Variants in SLC25A26 observed in about 807,000 individuals in gnomAD.
SLC25A26 encodes the protein mitochondrial S-adenosylmethionine carrier protein.
In SLC25A26, 36 loss-of-function variants were observed where a neutral mutation model predicts 37.8. The ratio of observed to expected loss-of-function variants is 0.95; its 90% CI spans 0.73 to 1.26. The LOEUF (loss-of-function observed/expected upper bound fraction) is 1.26. Among genes scored for constraint, SLC25A26 ranks in the 50% most tolerant of loss-of-function variants. SLC25A26 has a pLI of 0.00. For missense variants in SLC25A26, 390 were observed against 331.1 expected, an observed-to-expected ratio of 1.18 and a Z score of -1.38; for synonymous variants, 129 against 122.5, an observed-to-expected ratio of 1.05 and a Z score of -0.35.
At chr3:66,205,834 G>T (rs2071169431) in intron 1 of SLC25A26, among the ~76,000 whole-genome samples, 1 of 152,114 alleles carries the variant, frequency 6.6e-6, no homozygotes. Context: ...TCTTAATTTG[G>T]ATCTCCTCTA....
chr3:66,226,045 G>A (rs1244923015), intron 1 of SLC25A26, among the ~76,000 whole-genome samples: 5 of 152,094 alleles, frequency 3.3e-5, no homozygotes, highest in South Asian at 2.1e-4. Context: ...TTCTGAAGTC[G>A]CTTCCACATT....
In SLC25A26 at chr3:66,353,412, C is replaced by T. The variant is rs144242787; in HGVS notation, c.498+7004C>T. 4.3e-3 allele frequency among the ~76,000 whole-genome samples: 648 copies of T among 152,318 alleles called. 17 individuals are homozygous for T. The highest frequency in any genetic ancestry group is 0.037 in the Admixed American group (570 of 15,300). ...GAAAATGGAAGGAGAGTTTGAACGC[C>T]TTGCCCAAGGCCATGGGAGTACTAA... On this transcript the variant is annotated intron_variant, in intron 6 of 9. Coordinates refer to ENST00000354883, the MANE Select transcript of SLC25A26 (RefSeq NM_001379210.1).
intron 1 of SLC25A26, among the ~76,000 whole-genome samples, chr3:66,159,077 T>C (rs1308422067): frequency 6.6e-6 from 1 of 152,156 alleles, no homozygotes; most frequent in African/African-American, 2.4e-5. Context: ...TACTAGGCAG[T>C]GGCTTCCAAG....
intron 1 of SLC25A26, among the ~76,000 whole-genome samples, chr3:66,178,752 T>G (rs1012766001): frequency 6.6e-6 from 1 of 152,228 alleles, no homozygotes; most frequent in African/African-American, 2.4e-5. Context: ...GGAAATTGTT[T>G]TAAAAATTAA....
At chr3:66,221,232 T>C in intron 1 of SLC25A26, 105 bp downstream of exon 1, 1 of 1,238,954 alleles carries the variant, frequency 8.1e-7, no homozygotes, top group Non-Finnish European at 1.1e-6. Context: ...CGGGCTGGAC[T>C]GTCCTCGGGT....
At chr3:66,150,600 T>TGA (rs1559551875) in intron 1 of SLC25A26, among the ~76,000 whole-genome samples, 2 of 39,710 alleles carry the variant, frequency 5.0e-5, no homozygotes, top group East Asian at 1.4e-3. Flanking sequence ...ATATATGTAA[T>TGA]GAGATATATA....
At chr3:66,165,144 G>A (rs1160576616) in intron 1 of SLC25A26, among the ~76,000 whole-genome samples, 1 of 152,164 alleles carries the variant, frequency 6.6e-6, no homozygotes, top group Non-Finnish European at 1.5e-5. Flanking sequence ...CACTTAAGTG[G>A]CCTCTCCACA....
intron 5 of SLC25A26, among the ~76,000 whole-genome samples, chr3:66,327,735 C>T (rs566387136): frequency 5.9e-5 from 9 of 152,082 alleles, no homozygotes; most frequent in African/African-American, 1.9e-4. Flanking sequence ...AAAAGCTACA[C>T]GTATTTAATG....
At chr3:66,203,388 AGG>A (rs1205074524) in intron 1 of SLC25A26, among the ~76,000 whole-genome samples, 4 of 152,056 alleles carry the variant, frequency 2.6e-5, no homozygotes, top group African/African-American at 9.7e-5. Flanking sequence ...TCTCAAAAAA[AGG>A]AAAAAAAAAA....
chr3:66,269,954 A>T (rs2073896733), intron 5 of SLC25A26, among the ~76,000 whole-genome samples: 1 of 152,160 alleles, frequency 6.6e-6, no homozygotes, highest in African/African-American at 2.4e-5. Context: ...CTAGCATAAT[A>T]TCTTCTACAC....
chr3:66,269,698 C>A (rs2073888071), intron 5 of SLC25A26, among the ~76,000 whole-genome samples: 1 of 152,054 alleles, frequency 6.6e-6, no homozygotes, highest in African/African-American at 2.4e-5. Flanking sequence ...ATACTATTTC[C>A]TGCTTATCAT....
chr3:66,306,600 A>G (rs1298599388), intron 5 of SLC25A26, among the ~76,000 whole-genome samples: 1 of 152,068 alleles, frequency 6.6e-6, no homozygotes, highest in Non-Finnish European at 1.5e-5. Context: ...TCAACCTGTC[A>G]TCTAGATTTT....
intron 5 of SLC25A26, chr3:66,304,510 T>C: frequency 2.2e-6 from 1 of 456,204 alleles, no homozygotes; most frequent in South Asian, 1.5e-5. Context: ...AGTTGTTGTG[T>C]GTGGCTTGTA....
chr3:66,346,072 G>T (rs572088853), intron 5 of SLC25A26, among the ~76,000 whole-genome samples: 13 of 152,136 alleles, frequency 8.5e-5, no homozygotes, highest in Admixed American at 4.6e-4. Context: ...GCGTGTGCCT[G>T]TAGTCCCAGC....
intron 1 of SLC25A26, among the ~76,000 whole-genome samples, chr3:66,151,991 T>G (rs770816973): frequency 6.6e-6 from 1 of 152,184 alleles, no homozygotes; most frequent in Admixed American, 6.5e-5. Context: ...ATGGATGAAA[T>G]AGAGGTGTTA....
rs573975355 is a variant in SLC25A26, at chr3:66,288,322, A to AT, written c.453+24951dup. Among the ~76,000 whole-genome samples the AT allele has an allele frequency of 3.3e-3, 507 of 152,038 alleles. 3 individuals are homozygous for AT. The highest frequency in any genetic ancestry group is 0.021 in the South Asian group (99 of 4,808). On this transcript the variant is annotated intron_variant, in intron 5 of 9. Transcript: ENST00000354883. ...AATTGATATGTTGACATTGGAAAGC[A>AT]TTTTTTTTAAAAAAATTAAACTTTA... is the stretch of plus-strand genomic sequence containing the variant.
chr3:66,324,871 T>TCTTACATTTTATAGTTGGGGG (rs2075796393), intron 5 of SLC25A26, among the ~76,000 whole-genome samples: 1 of 152,154 alleles, frequency 6.6e-6, no homozygotes, highest in Non-Finnish European at 1.5e-5. Flanking sequence ...TTCTTTACTC[T>TCTTACATTTTATAGTTGGGGG]CTTACATTTT....
chr3:66,193,972 C>G (rs2070995010), intron 1 of SLC25A26, among the ~76,000 whole-genome samples: 2 of 152,186 alleles, frequency 1.3e-5, no homozygotes, highest in African/African-American at 4.8e-5. Flanking sequence ...TGCCTCAACA[C>G]TTGAAAATGG....
intron 5 of SLC25A26, among the ~76,000 whole-genome samples, chr3:66,282,276 G>T (rs1229915328): frequency 1.3e-5 from 2 of 152,108 alleles, no homozygotes; most frequent in African/African-American, 2.4e-5. Context: ...CTCCCAAAGT[G>T]CTGGGATTAC....
Sources: allele counts gnomAD v4.1 joint callset (sites outside exome capture counted in the v4.1 genomes callset), GRCh38; gene constraint gnomAD v4.1.1; transcripts MANE v1.5; gene names NCBI Gene and HGNC (gene_info 2026-07-23, HGNC 2026-07-21).